P2RY12: variants seen among roughly 807,000 people sequenced by gnomAD.
P2RY12 encodes the protein P2Y purinoceptor 12.
P2RY12 carries 3 observed loss-of-function variants against 4.5 expected under a neutral mutation model. That is an observed-to-expected ratio of 0.67 (90% CI 0.31 to 1.74). P2RY12 has a LOEUF of 1.74. P2RY12 is among the 40% of genes most tolerant of loss of function. P2RY12 has a pLI of 0.09. For synonymous variants in P2RY12, 148 were observed against 154.1 expected (o/e 0.96, Z 0.29); for missense variants, 356 against 407.8 (o/e 0.87, Z 1.09).
At chr3:151,361,318 C>G (rs1361039902) in intron 1 of P2RY12, among the ~76,000 whole-genome samples, 1 of 152,052 alleles carries the variant, frequency 6.6e-6, no homozygotes, top group Non-Finnish European at 1.5e-5. Context: ...CCAGTACCCT[C>G]ACTGAATAAC....
rs372954515 is a variant in P2RY12 at position 151,337,998 on chromosome 3, G to A, written c.848C>T (p.Thr283Ile). ...TGCATTTAAGGAAGTTAACCACAGA[G>A]TGCTCTCTTTCACATAGAACAGAGT... ...ENTLFYVKESTLWLTSLNACL... is the reference protein window; with the variant it reads ...ENTLFYVKESILWLTSLNACL... The change falls in exon 3 of 3, where the codon ACT becomes ATT. Residue 283 changes from threonine to isoleucine, a missense_variant. Thr to Ile is a moderately conservative substitution (Grantham distance 89, BLOSUM62 -1). Coordinates refer to ENST00000302632, the MANE Select transcript of P2RY12 (RefSeq NM_022788.5). The A allele has an allele frequency of 3.7e-6, 6 of 1,613,984 alleles. No homozygotes were observed. The highest frequency in any genetic ancestry group is 5.1e-6 in the Non-Finnish European group (6 of 1,180,016).
chr3:151,367,865 G>C, intron 1 of P2RY12: 1 of 1,367,002 alleles, frequency 7.3e-7, no homozygotes, highest in Non-Finnish European at 1.0e-6. Context: ...TTGAGGGTAT[G>C]TATATTGGGA....
intron 1 of P2RY12, chr3:151,380,249 C>A: frequency 7.1e-7 from 1 of 1,403,610 alleles, no homozygotes; most frequent in Non-Finnish European, 9.9e-7. Context: ...AATATTAAGA[C>A]AGGCAAATAT....
intron 1 of P2RY12, among the ~76,000 whole-genome samples, chr3:151,353,468 A>G (rs1445400916): frequency 6.6e-6 from 1 of 152,218 alleles, no homozygotes; most frequent in East Asian, 1.9e-4. Flanking sequence ...ATTTGGTGTT[A>G]CTGGCCAAAA....
chr3:151,376,826 A>T, intron 1 of P2RY12: 1 of 1,614,060 alleles, frequency 6.2e-7, no homozygotes, highest in Non-Finnish European at 8.5e-7. Flanking sequence ...CACTGAGGCA[A>T]TCCTGGTTAG....
intron 1 of P2RY12, among the ~76,000 whole-genome samples, chr3:151,346,313 T>G (rs1311381791): frequency 6.6e-6 from 1 of 152,196 alleles, no homozygotes; most frequent in Non-Finnish European, 1.5e-5. Flanking sequence ...CTATGGAAAT[T>G]TGTTTATTTG....
chr3:151,365,039 C>T, intron 1 of P2RY12: 1 of 1,614,072 alleles, frequency 6.2e-7, no homozygotes, highest in Non-Finnish European at 8.5e-7. Flanking sequence ...CAAATTCGAA[C>T]TTGCGATGGG....
At position 151,376,260 on chromosome 3, in the gene P2RY12, G is replaced by A. The variant is rs367563718; in HGVS notation, c.-180+8432C>T. The A allele has an allele frequency of 7.3e-5, 97 of 1,323,298 alleles. 1 individual carries two copies. The East Asian group carries it at 1.3e-3, about 18-fold the overall frequency. The allele number at this position is 1,323,298 out of a possible 1,614,324, so 82.0% of individuals were successfully genotyped here. On this transcript the variant is annotated intron_variant, in intron 1 of 2. Transcript: ENST00000302632. ...GTTTCTGTCATTTGATAAATTCTTCGTAATAATAAAAAGAGTTACTTCCTC... is the reference window on the plus strand; with the variant it reads ...GTTTCTGTCATTTGATAAATTCTTCATAATAATAAAAAGAGTTACTTCCTC...
intron 1 of P2RY12, chr3:151,349,998 A>G: frequency 6.6e-7 from 1 of 1,523,130 alleles, no homozygotes; most frequent in Non-Finnish European, 9.0e-7. Context: ...CATTTCAGGG[A>G]TATGAAATGC....
Position 151,338,667 on chromosome 3 carries a change from A to G in P2RY12, c.179T>C (p.Ile60Thr), listed in dbSNP as rs1169633387. Residue 60 changes from isoleucine (I) to threonine (T), a missense_variant, in exon 3 of 3, where the codon ATT (isoleucine) becomes ACT (threonine). Transcript: ENST00000302632. ...AATGACTGTGTTCTTAAGAAAAATA[A>G]TAAAGTTTGATTTACTCCGGATTTG... is the stretch of plus-strand genomic sequence containing the variant. ...FFQIRSKSNF[I>T]IFLKNTVISD... 4 of 1,613,926 alleles carry G rather than the reference A, an allele frequency of 2.5e-6. No homozygotes were observed. The highest frequency in any genetic ancestry group is 2.2e-5 in the East Asian group (1 of 44,888).
chr3:151,363,081 A>G (rs572205171), intron 1 of P2RY12, among the ~76,000 whole-genome samples: 1 of 152,214 alleles, frequency 6.6e-6, no homozygotes, highest in African/African-American at 2.4e-5. Flanking sequence ...AGGTAATTCA[A>G]GTAACATGCG....
chr3:151,376,193 G>A, intron 1 of P2RY12: 2 of 1,591,290 alleles, frequency 1.3e-6, no homozygotes, highest in South Asian at 1.1e-5. Flanking sequence ...TGCAAAGACA[G>A]CACATTAAGC....
chr3:151,348,956 A>C (rs1752905122), intron 1 of P2RY12, among the ~76,000 whole-genome samples: 1 of 152,220 alleles, frequency 6.6e-6, no homozygotes, highest in African/African-American at 2.4e-5. Context: ...CTCTGTGAGG[A>C]ATTCTTTTCT....
At chr3:151,376,076 C>T in intron 1 of P2RY12, 1 of 1,608,044 alleles carries the variant, frequency 6.2e-7, no homozygotes, top group Non-Finnish European at 8.5e-7. Flanking sequence ...TATGTACAGA[C>T]AAAGAACTTA....
chr3:151,378,055 G>A, intron 1 of P2RY12: 1 of 1,610,026 alleles, frequency 6.2e-7, no homozygotes, highest in Non-Finnish European at 8.5e-7. Context: ...CCCCCTCATC[G>A]CCAGGTTGCC....
At chr3:151,377,655 A>G (rs188670034) in intron 1 of P2RY12, among the ~76,000 whole-genome samples, 43 of 152,322 alleles carry the variant, frequency 2.8e-4, no homozygotes, top group Admixed American at 2.2e-3. Context: ...AAAATTAGCT[A>G]TTAGTATGCT....
intron 1 of P2RY12, among the ~76,000 whole-genome samples, chr3:151,378,923 T>C (rs1711702902): frequency 6.6e-6 from 1 of 152,234 alleles, no homozygotes; most frequent in Non-Finnish European, 1.5e-5. Context: ...CTTTTAAAAT[T>C]CTTATAGCAA....
At chr3:151,379,992 G>A in intron 1 of P2RY12, 2 of 612,882 alleles carry the variant, frequency 3.3e-6, no homozygotes, top group Non-Finnish European at 2.8e-6. Context: ...TTTTCAAGCA[G>A]TCTTTGGCTA....
chr3:151,375,038 TA>T (rs1288169656), intron 1 of P2RY12, among the ~76,000 whole-genome samples: 25 of 152,346 alleles, frequency 1.6e-4, no homozygotes, highest in Non-Finnish European at 3.2e-4. Flanking sequence ...ATAACTATGG[TA>T]AAAGATAGCT....
Sources: gnomAD v4.1 joint callset for allele counts (sites outside exome capture counted in the v4.1 genomes callset) on GRCh38, gnomAD v4.1.1 for gene constraint, MANE v1.5 for transcripts, NCBI Gene and HGNC (gene_info 2026-07-23, HGNC 2026-07-21) for gene names.